The following KCND2 variants were observed in gnomAD, a reference collection of about 807,000 sequenced individuals.
KCND2 encodes potassium voltage-gated channel subfamily D member 2, also known as A-type voltage-gated potassium channel KCND2.
KCND2 carries 16 observed loss-of-function variants against 54.4 expected under a neutral mutation model. The observed-to-expected ratio is 0.29, with a 90% CI of 0.20 to 0.45. KCND2 has a LOEUF of 0.45. KCND2 is among the 20% of genes least tolerant of loss of function. The probability of loss-of-function intolerance (pLI) is 1.00; values close to 1 mark genes in which losing one functional copy is unlikely to be tolerated. For synonymous variants in KCND2, 317 were observed against 310.7 expected (o/e 1.02, Z -0.21); for missense variants, 486 against 824.2 (o/e 0.59, Z 5.02).
At chr7:120,611,154 G>A (rs894384776) in intron 1 of KCND2, among the ~76,000 whole-genome samples, 9 of 152,212 alleles carry the variant, frequency 5.9e-5, no homozygotes, top group Middle Eastern at 3.4e-3. Flanking sequence ...AGTCTACCCC[G>A]ATGACAAATA....
chr7:120,483,992 G>A (rs1481576634), intron 1 of KCND2, among the ~76,000 whole-genome samples: 1 of 151,534 alleles, frequency 6.6e-6, no homozygotes, highest in Admixed American at 6.6e-5. Flanking sequence ...CTGCTGAAGA[G>A]AAAAAAAAGC....
At chr7:120,524,836 A>C (rs183697356) in intron 1 of KCND2, among the ~76,000 whole-genome samples, 1 of 152,302 alleles carries the variant, frequency 6.6e-6, no homozygotes, top group East Asian at 1.9e-4. Flanking sequence ...CAAACATCTC[A>C]AAGGAAAATT....
intron 1 of KCND2, among the ~76,000 whole-genome samples, chr7:120,433,110 C>T (rs1801817864): frequency 6.6e-6 from 1 of 152,082 alleles, no homozygotes; most frequent in Non-Finnish European, 1.5e-5. Flanking sequence ...GAAAAAGGTA[C>T]AATAATCCAT....
intron 1 of KCND2, among the ~76,000 whole-genome samples, chr7:120,351,599 T>C (rs1190453980): frequency 6.6e-6 from 1 of 151,956 alleles, no homozygotes; most frequent in African/African-American, 2.4e-5. Context: ...GGTTCAGAGT[T>C]GGGGACTTCA....
chr7:120,592,349 C>T (rs746275785), intron 1 of KCND2, among the ~76,000 whole-genome samples: 3 of 152,130 alleles, frequency 2.0e-5, no homozygotes, highest in South Asian at 2.1e-4. Flanking sequence ...GCCAGGGGTT[C>T]GAGACCAGCC....
intron 1 of KCND2, among the ~76,000 whole-genome samples, chr7:120,429,107 C>A (rs971938059): frequency 6.6e-6 from 1 of 152,064 alleles, no homozygotes; most frequent in Non-Finnish European, 1.5e-5. Flanking sequence ...TATAGAAGAG[C>A]CAAACTCACG....
chr7:120,704,970 A>T lies in KCND2; in HGVS notation c.1116-27933A>T, dbSNP rs145347238. Among the ~76,000 whole-genome samples, 678 of 152,300 alleles carry T rather than the reference A, an allele frequency of 4.5e-3. 5 individuals are homozygous for T. Among genetic ancestry groups the T allele is most frequent in the African/African-American group, 0.016 (651 of 41,560 alleles). Reference sequence around the variant, plus strand: ...ATCTTAAATGAACGTGTAGAATAAAAAGTAAACCCTTTTTAAAAAGAATTC... The same window carrying T: ...ATCTTAAATGAACGTGTAGAATAAATAGTAAACCCTTTTTAAAAAGAATTC... On this transcript the variant is annotated intron_variant, in intron 1 of 5. Transcript: ENST00000331113.
chr7:120,659,900 C>A (rs1264441997), intron 1 of KCND2, among the ~76,000 whole-genome samples: 1 of 152,104 alleles, frequency 6.6e-6, no homozygotes, highest in African/African-American at 2.4e-5. Flanking sequence ...GTAGTTCAAA[C>A]CTGTGTTGTT....
At chr7:120,441,510 G>C (rs890992939) in intron 1 of KCND2, among the ~76,000 whole-genome samples, 1 of 151,970 alleles carries the variant, frequency 6.6e-6, no homozygotes, top group Non-Finnish European at 1.5e-5. Flanking sequence ...AGTGGGCTTT[G>C]TTTGCATTTT....
chr7:120,276,632 G>T (rs537948321), intron 1 of KCND2, among the ~76,000 whole-genome samples: 2 of 152,130 alleles, frequency 1.3e-5, no homozygotes, highest in Admixed American at 1.3e-4. Flanking sequence ...TTTTTTGGGG[G>T]TATAATGAAG....
chr7:120,301,570 T>C (rs1301586835), intron 1 of KCND2, among the ~76,000 whole-genome samples: 1 of 152,182 alleles, frequency 6.6e-6, no homozygotes, highest in Non-Finnish European at 1.5e-5. Context: ...TACTTTTTTA[T>C]AAATAAATAC....
intron 4 of KCND2, among the ~76,000 whole-genome samples, chr7:120,744,602 G>C (rs1792982164): frequency 6.6e-6 from 1 of 151,982 alleles, no homozygotes; most frequent in Admixed American, 6.6e-5. Flanking sequence ...TGTCTTGTCT[G>C]ATTATATTAT....
intron 1 of KCND2, among the ~76,000 whole-genome samples, chr7:120,465,334 C>CCTA (rs1802351262): frequency 1.3e-5 from 2 of 151,494 alleles, no homozygotes; most frequent in South Asian, 4.2e-4. Flanking sequence ...GTACCAAAGG[C>CCTA]TGCTATAGGA....
At chr7:120,524,080 C>T (rs964309650) in intron 1 of KCND2, among the ~76,000 whole-genome samples, 11 of 151,622 alleles carry the variant, frequency 7.3e-5, no homozygotes, top group Non-Finnish European at 1.0e-4. Flanking sequence ...TCCTAATATA[C>T]AAAAATTAGT....
chr7:120,567,474 A>G (rs1034240016), intron 1 of KCND2, among the ~76,000 whole-genome samples: 4 of 152,158 alleles, frequency 2.6e-5, no homozygotes, highest in African/African-American at 4.8e-5. Flanking sequence ...AAATTTGTCA[A>G]CATTTTGAAA....
chr7:120,340,136 A>G (rs1177943799), intron 1 of KCND2, among the ~76,000 whole-genome samples: 1 of 152,226 alleles, frequency 6.6e-6, no homozygotes, highest in Non-Finnish European at 1.5e-5. Context: ...TTACACAAGG[A>G]TCACTGTACC....
intron 1 of KCND2, among the ~76,000 whole-genome samples, chr7:120,512,597 G>A (rs909901888): frequency 6.6e-6 from 1 of 151,958 alleles, no homozygotes; most frequent in Non-Finnish European, 1.5e-5. Flanking sequence ...GGCTCATTAT[G>A]AAGAGAAATA....
chr7:120,441,914 A>G (rs530485404), intron 1 of KCND2, among the ~76,000 whole-genome samples: 5 of 152,210 alleles, frequency 3.3e-5, no homozygotes, highest in African/African-American at 1.2e-4. Flanking sequence ...GCTAATATCC[A>G]AGAAAGTTTT....
At chr7:120,596,820 A>G (rs187647461) in intron 1 of KCND2, among the ~76,000 whole-genome samples, 1 of 152,360 alleles carries the variant, frequency 6.6e-6, no homozygotes, top group East Asian at 1.9e-4. Context: ...ATGGAAAAAT[A>G]AAACAAGTGC....
Sources: allele counts gnomAD v4.1 joint callset (sites outside exome capture counted in the v4.1 genomes callset), GRCh38; gene constraint gnomAD v4.1.1; transcripts MANE v1.5; gene names NCBI Gene and HGNC (gene_info 2026-07-23, HGNC 2026-07-21).